CLSTN2: variants seen among roughly 807,000 people sequenced by gnomAD.
The protein encoded by CLSTN2 is calsyntenin-2.
In CLSTN2, 48 loss-of-function variants were observed where a neutral mutation model predicts 101.2. The ratio of observed to expected loss-of-function variants is 0.47; its 90% CI spans 0.38 to 0.60. The LOEUF (loss-of-function observed/expected upper bound fraction) is 0.60, where lower values mean the gene tolerates loss of function less well. Ranked by LOEUF, CLSTN2 falls within the 20% of genes least tolerant of loss-of-function variation. The pLI is 0.00. For missense variants in CLSTN2, 1,160 were observed against 1,238.2 expected, an observed-to-expected ratio of 0.94 and a Z score of 0.95; for synonymous variants, 481 against 463.6, an observed-to-expected ratio of 1.04 and a Z score of -0.48.
At position 140,225,461 on chromosome 3, in the gene CLSTN2, G is replaced by A. The variant is rs769027856; in HGVS notation, c.232+49388G>A. Reference sequence around the variant, plus strand: ...GCAGCATAAAGTTCAAATATTTTATGCAAGATGAATACGGGCACTGACATT... The same window carrying A: ...GCAGCATAAAGTTCAAATATTTTATACAAGATGAATACGGGCACTGACATT... On this transcript the variant is annotated intron_variant, in intron 2 of 16. Coordinates refer to ENST00000458420, the MANE Select transcript of CLSTN2 (RefSeq NM_022131.3). Among the ~76,000 whole-genome samples the A allele has an allele frequency of 3.3e-5, 5 of 151,436 alleles. No individual in the cohort carries two copies. In the South Asian group the frequency reaches 6.3e-4, roughly 19 times the overall value.
intron 1 of CLSTN2, among the ~76,000 whole-genome samples, chr3:140,066,981 A>G (rs1409256693): frequency 6.6e-6 from 1 of 152,214 alleles, no homozygotes; most frequent in African/African-American, 2.4e-5. Flanking sequence ...ACATAAGTGG[A>G]TTTCATCAAT....
chr3:140,401,194 A>G (rs948310446), intron 2 of CLSTN2, among the ~76,000 whole-genome samples: 1 of 152,262 alleles, frequency 6.6e-6, no homozygotes, highest in African/African-American at 2.4e-5. Flanking sequence ...CCAGAACCCA[A>G]GTGTCAGGTG....
At position 140,564,144 on chromosome 3, in the gene CLSTN2, A is replaced by C. The variant is rs1935984170; in HGVS notation, c.2666A>C (p.Glu889Ala). The change falls in exon 16 of 17, where the codon GAG becomes GCG. Residue 889 changes from glutamate to alanine, a missense_variant and splice_region_variant. By Grantham distance (107) the Glu-to-Ala change is moderately radical. Transcript: ENST00000458420. The part of the protein sequence containing the change: ...SALTITVNPM[E>A]KHEGPGHGED... ...CTGACTATCACAGTCAACCCCATGG[A>C]GGTGATCCTCATGCACGGCTGGGAG... The C allele has an allele frequency of 1.9e-6, 3 of 1,613,544 alleles. No individual in the cohort carries two copies. The highest frequency in any genetic ancestry group is 2.5e-6 in the Non-Finnish European group (3 of 1,179,660).
chr3:140,413,309 G>T (rs1301421169), intron 4 of CLSTN2, among the ~76,000 whole-genome samples: 1 of 152,086 alleles, frequency 6.6e-6, no homozygotes, highest in Non-Finnish European at 1.5e-5. Context: ...AAATAGATAA[G>T]TTCCTAAGGA....
chr3:140,241,824 TACACAC>T, intron 2 of CLSTN2, among the ~76,000 whole-genome samples: 1 of 147,224 alleles, frequency 6.8e-6, no homozygotes, highest in South Asian at 2.1e-4. Flanking sequence ...TATATATATA[TACACAC>T]ACATATATAT....
At chr3:140,022,963 G>A (rs930714216) in intron 1 of CLSTN2, among the ~76,000 whole-genome samples, 1 of 152,188 alleles carries the variant, frequency 6.6e-6, no homozygotes, top group Non-Finnish European at 1.5e-5. Flanking sequence ...ATATAGCAAA[G>A]GTGCTGATTG....
At chr3:140,129,017 G>A (rs1385979749) in intron 1 of CLSTN2, among the ~76,000 whole-genome samples, 1 of 152,162 alleles carries the variant, frequency 6.6e-6, no homozygotes, top group Non-Finnish European at 1.5e-5. Flanking sequence ...TCAGGAGTGT[G>A]AACATTTTAG....
chr3:140,318,452 A>G (rs1008305833), intron 2 of CLSTN2, among the ~76,000 whole-genome samples: 2 of 152,188 alleles, frequency 1.3e-5, no homozygotes, highest in Non-Finnish European at 2.9e-5. Flanking sequence ...GTTTATGCAG[A>G]AGCTCCTGGT....
At chr3:140,131,216 A>G (rs1287488618) in intron 1 of CLSTN2, among the ~76,000 whole-genome samples, 3 of 151,432 alleles carry the variant, frequency 2.0e-5, no homozygotes, top group African/African-American at 7.3e-5. Flanking sequence ...ATAATTTCTA[A>G]TCTCTGCTTG....
chr3:140,190,044 G>A (rs532053594), intron 2 of CLSTN2, among the ~76,000 whole-genome samples: 84 of 152,294 alleles, frequency 5.5e-4, no homozygotes, highest in African/African-American at 2.0e-3. Flanking sequence ...TCACAGGGTA[G>A]AAAGGGGAAG....
intron 1 of CLSTN2, among the ~76,000 whole-genome samples, chr3:140,060,689 G>A (rs2008189366): frequency 6.6e-6 from 1 of 152,140 alleles, no homozygotes; most frequent in South Asian, 2.1e-4. Context: ...TCACCAATAG[G>A]GCTGCCTGAT....
Position 140,569,208 on chromosome 3 carries a change from T to A in CLSTN2, c.*2955T>A, listed in dbSNP as rs1320141035. On this transcript the variant is annotated 3_prime_UTR_variant, in exon 17 of 17. Coordinates refer to ENST00000458420, the MANE Select transcript of CLSTN2 (RefSeq NM_022131.3). ...GATCCCAAGAAAAAGGTGTCATTAA[T>A]CAGTCTGGCATTTTCCACCCTCCAT... 1 of 152,290 alleles carries A rather than the reference T, an allele frequency of 6.6e-6. No homozygotes were observed. The highest frequency in any genetic ancestry group is 2.4e-5 in the African/African-American group (1 of 41,436). 9.4% of individuals were successfully genotyped at this position (152,290 alleles called of 1,614,324 possible). A position where few individuals can be genotyped will look rare whatever the true frequency, so the allele number is the denominator to read the frequency against.
chr3:140,297,340 A>G (rs1004499908), intron 2 of CLSTN2, among the ~76,000 whole-genome samples: 1 of 152,068 alleles, frequency 6.6e-6, no homozygotes, highest in African/African-American at 2.4e-5. Flanking sequence ...GGATTTTGGG[A>G]AAAATGGCCA....
At chr3:140,529,859 A>G (rs1935218046) in intron 8 of CLSTN2, among the ~76,000 whole-genome samples, 1 of 152,130 alleles carries the variant, frequency 6.6e-6, no homozygotes, top group Non-Finnish European at 1.5e-5. Context: ...ATCTTTTGTG[A>G]CCCATATTAA....
chr3:140,462,347 G>C (rs1933583996), intron 7 of CLSTN2, among the ~76,000 whole-genome samples: 1 of 152,102 alleles, frequency 6.6e-6, no homozygotes, highest in South Asian at 2.1e-4. Flanking sequence ...CCTTTCATTA[G>C]ATATTTAGAT....
chr3:140,439,126 T>G (rs1402538850), intron 5 of CLSTN2, among the ~76,000 whole-genome samples: 1 of 152,166 alleles, frequency 6.6e-6, no homozygotes, highest in African/African-American at 2.4e-5. Context: ...CCACACAGAA[T>G]AGGATGGTTT....
chr3:140,028,088 G>C (rs1050959956), intron 1 of CLSTN2, among the ~76,000 whole-genome samples: 1 of 152,232 alleles, frequency 6.6e-6, no homozygotes. Context: ...GGTAGTTGCT[G>C]TTGTTCAGGA....
At chr3:140,246,313 G>C (rs1258699439) in intron 2 of CLSTN2, among the ~76,000 whole-genome samples, 3 of 152,156 alleles carry the variant, frequency 2.0e-5, no homozygotes, top group African/African-American at 7.2e-5. Context: ...CCTTCAATCA[G>C]AGAGCGTTCC....
At chr3:140,410,783 T>C (rs2107983514) in intron 4 of CLSTN2, among the ~76,000 whole-genome samples, 1 of 152,296 alleles carries the variant, frequency 6.6e-6, no homozygotes, top group Non-Finnish European at 1.5e-5. Context: ...AAAACATAAA[T>C]TGTGGCACAA....
Sources: gnomAD v4.1 joint callset for allele counts (sites outside exome capture counted in the v4.1 genomes callset) on GRCh38, gnomAD v4.1.1 for gene constraint, MANE v1.5 for transcripts, NCBI Gene and HGNC (gene_info 2026-07-23, HGNC 2026-07-21) for gene names.